The following MOG variants were observed in gnomAD, a reference collection of about 807,000 sequenced individuals.
MOG encodes the protein myelin-oligodendrocyte glycoprotein.
A neutral mutation model predicts 35.9 loss-of-function variants in MOG; 20 were observed. The ratio of observed to expected loss-of-function variants is 0.56; its 90% confidence interval spans 0.39 to 0.81. The LOEUF is 0.81. Among genes scored for constraint, MOG ranks in the 30% least tolerant of loss-of-function variants. The probability of loss-of-function intolerance (pLI) is 0.00; values close to 1 mark genes in which losing one functional copy is unlikely to be tolerated. For missense variants in MOG, 251 were observed against 301.0 expected, an observed-to-expected ratio of 0.83 and a Z score of 1.23; for synonymous variants, 92 against 114.3, an observed-to-expected ratio of 0.80 and a Z score of 1.25.
At position 29,671,352 on chromosome 6, in the gene MOG, T is replaced by C. The variant is rs1451788054; in HGVS notation, c.*167T>C. On this transcript the variant is annotated 3_prime_UTR_variant, in exon 8 of 8. Transcript: ENST00000376917. ...GAATTCCAAGTAGAATTGATTTCCC[T>C]TCTTCTGTCATCTACCTTTTCTCTT... The C allele has an allele frequency of 1.2e-6, 2 of 1,611,950 alleles. No homozygotes were observed. Among genetic ancestry groups the C allele is most frequent in the Non-Finnish European group, 1.7e-6 (2 of 1,179,682 alleles).
In MOG at chr6:29,657,183, G is replaced by A. The variant is rs766478339; in HGVS notation, c.-27G>A. On this transcript the variant is annotated 5_prime_UTR_variant, in exon 1 of 8. Coordinates refer to ENST00000376917, the MANE Select transcript of MOG (RefSeq NM_206809.4). ...CCACTTGGCCTGACCTTGCTGCGGG[G>A]GCTCTCTGTCCCCAGGAACAGTAGA... The A allele has an allele frequency of 1.2e-5, 18 of 1,553,584 alleles. No homozygotes were observed. Among genetic ancestry groups the A allele is most frequent in the African/African-American group, 4.1e-5 (3 of 73,432 alleles).
chr6:29,667,997 C>A lies in MOG; in HGVS notation c.592+73C>A, dbSNP rs142306864. 3.3e-5 allele frequency: 48 copies of A among 1,452,688 alleles called. No homozygotes were observed. In the Middle Eastern group the frequency reaches 5.2e-4, roughly 16 times the overall value. 90.0% of individuals were successfully genotyped at this position (1,452,688 alleles called of 1,614,324 possible). On this transcript the variant is annotated intron_variant, in intron 5 of 7. Transcript: ENST00000376917. Reference sequence around the variant, plus strand: ...CTCTAGTTCCAGTCACCTGGGGGAACAAGGACCCCTGGCTCCTGGTTGAGT... The same window carrying A: ...CTCTAGTTCCAGTCACCTGGGGGAAAAAGGACCCCTGGCTCCTGGTTGAGT...
chr6:29,667,725 G>A, intron 4 of MOG, 62 bp downstream of exon 4: 1 of 1,599,838 alleles, frequency 6.3e-7, no homozygotes, highest in Non-Finnish European at 8.6e-7. Flanking sequence ...TAACGGAAAT[G>A]GTCCCGTTCT....
At chr6:29,661,738 C>T in intron 2 of MOG, 1 of 940,866 alleles carries the variant, frequency 1.1e-6, no homozygotes, top group Non-Finnish European at 1.3e-6. Context: ...ATCGCTTGAA[C>T]CCCGGAGGCG....
intron 2 of MOG, chr6:29,661,702 C>A: frequency 1.2e-6 from 1 of 859,984 alleles, no homozygotes; most frequent in Non-Finnish European, 1.4e-6. Flanking sequence ...TTCCTGTAAT[C>A]CCAGCTGGGA....
rs1178483231 is a variant in MOG, at chr6:29,670,418, G to T, written c.709+21G>T. The T allele has an allele frequency of 1.9e-6, 3 of 1,609,164 alleles. No individual in the cohort carries two copies. In the African/African-American group the frequency reaches 4.0e-5, roughly 22 times the overall value. ...AGCAGGTGCAGTGGCTGGGCAGCAG[G>T]CAAGACCACCAAATAGTGGGGGACC... is the stretch of plus-strand genomic sequence containing the variant. On this transcript the variant is annotated intron_variant, in intron 6 of 7. Coordinates refer to ENST00000376917, the MANE Select transcript of MOG (RefSeq NM_206809.4). The surrounding 1 kb of genome is among the most constrained non-coding windows in gnomAD (Gnocchi z 4.2).
At chr6:29,661,406 T>C (rs907813125) in intron 2 of MOG, 2 of 985,302 alleles carry the variant, frequency 2.0e-6, no homozygotes, top group African/African-American at 3.5e-5. Flanking sequence ...GAAATTCTAC[T>C]TGCCGAAAAG....
intron 2 of MOG, among the ~76,000 whole-genome samples, chr6:29,665,588 A>AAGGCTGTGGT (rs1770033782): frequency 6.6e-6 from 1 of 152,050 alleles, no homozygotes; most frequent in African/African-American, 2.4e-5. Context: ...GTCCTAGTTC[A>AAGGCTGTGGT]GGTTCATGTT....
In MOG at chr6:29,670,930, TG is replaced by T; in HGVS notation, c.730+211del. 1.2e-6 allele frequency: 2 copies of T among 1,611,188 alleles called. No homozygotes were observed. Among genetic ancestry groups the T allele is most frequent in the Non-Finnish European group, 1.7e-6 (2 of 1,179,180 alleles). On this transcript the variant is annotated intron_variant, in intron 7 of 7. Coordinates refer to ENST00000376917, the MANE Select transcript of MOG (RefSeq NM_206809.4). The surrounding 1 kb of genome is among the most constrained non-coding windows in gnomAD (Gnocchi z 4.2). Reference sequence around the variant, plus strand: ...ACACATTTACAGGTGGCAGAGAAGCTGGAGGCACTCCTATCTGCCACCTGAT... The same window carrying T: ...ACACATTTACAGGTGGCAGAGAAGCTGAGGCACTCCTATCTGCCACCTGAT...
chr6:29,666,078 T>C (rs929204922), intron 2 of MOG, 74 bp from the exon 3 acceptor site: 3 of 917,056 alleles, frequency 3.3e-6, no homozygotes, highest in African/African-American at 3.2e-5. Context: ...ACCTGATTTA[T>C]TGGGCCCCAG....
rs1767957533 is a variant in MOG, at chr6:29,659,374, A to C, written c.144A>C (p.Glu48Asp). 3 of 1,612,918 alleles carry C rather than the reference A, an allele frequency of 1.9e-6. No individual in the cohort carries two copies. The highest frequency in any genetic ancestry group is 2.5e-6 in the Non-Finnish European group (3 of 1,179,964). The change falls in exon 2 of 8, where the codon GAA becomes GAC. Residue 48 changes from glutamate (E) to aspartate (D), a missense_variant. Coordinates refer to ENST00000376917, the MANE Select transcript of MOG (RefSeq NM_206809.4). ...RHPIRALVGD[E>D]VELPCRISPG... ...CTATCCGGGCTCTGGTCGGGGATGA[A>C]GTGGAATTGCCATGTCGCATATCTC...
At chr6:29,669,435 C>T (rs1162226073) in intron 5 of MOG, among the ~76,000 whole-genome samples, 4 of 151,162 alleles carry the variant, frequency 2.6e-5, no homozygotes, top group African/African-American at 9.7e-5. Flanking sequence ...GAACTACAGG[C>T]GCATGCCACC....
At position 29,671,781 on chromosome 6, in the gene MOG, A is replaced by G. The variant is rs1339825342; in HGVS notation, c.*596A>G. On this transcript the variant is annotated 3_prime_UTR_variant, in exon 8 of 8. Transcript: ENST00000376917. ...GAGCTCCTCCTTGTCTTGGCAGCCT[A>G]CTAGGGACCTGGGGAAGCAAAAACG... 2 of 400,188 alleles carry G rather than the reference A, an allele frequency of 5.0e-6. No individual in the cohort carries two copies. Among genetic ancestry groups the G allele is most frequent in the South Asian group, 5.3e-5 (1 of 18,910 alleles). 24.8% of individuals were successfully genotyped at this position (400,188 alleles called of 1,614,324 possible). A position where few individuals can be genotyped will look rare whatever the true frequency, so the allele number is the denominator to read the frequency against.
In MOG at chr6:29,670,237, G is replaced by A. The variant is rs1771157608; in HGVS notation, c.593-44G>A. 2 of 1,614,208 alleles carry A rather than the reference G, an allele frequency of 1.2e-6. No individual in the cohort carries two copies. The highest frequency in any genetic ancestry group is 1.7e-5 in the Admixed American group (1 of 60,022). ...AAAAAGACAGGTGGGTGGGGCATGA[G>A]GGGGAACACATGTTAACCCTGTTTG... On this transcript the variant is annotated intron_variant, in intron 5 of 7. Coordinates refer to ENST00000376917, the MANE Select transcript of MOG (RefSeq NM_206809.4). This position sits in a 1 kb window ranked among gnomAD's most constrained non-coding sequence, Gnocchi z 4.2.
intron 2 of MOG, chr6:29,663,895 A>G: frequency 1.0e-6 from 1 of 957,164 alleles, no homozygotes; most frequent in African/African-American, 1.8e-5. Context: ...ATTATACCTA[A>G]GCAACCCTCC....
In MOG at chr6:29,670,246, C is replaced by T. The variant is rs373960419; in HGVS notation, c.593-35C>T. On this transcript the variant is annotated intron_variant, in intron 5 of 7. Transcript: ENST00000376917. The surrounding 1 kb of genome is among the most constrained non-coding windows in gnomAD (Gnocchi z 4.2). ...GGTGGGTGGGGCATGAGGGGGAACA[C>T]ATGTTAACCCTGTTTGTTCTGGTGA... 9.3e-6 allele frequency: 15 copies of T among 1,614,076 alleles called. No individual in the cohort carries two copies. In the African/African-American group the frequency reaches 1.7e-4, roughly 19 times the overall value.
At position 29,670,164 on chromosome 6, in the gene MOG, T is replaced by C. The variant is rs1405492697; in HGVS notation, c.593-117T>C. 6.4e-7 allele frequency: 1 copy of C among 1,567,810 alleles called. No individual in the cohort carries two copies. The highest frequency in any genetic ancestry group is 8.8e-7 in the Non-Finnish European group (1 of 1,137,816). ...TCCAAGTTCATGGACTTTCTGAATT[T>C]TGTCCCCAGAGTCCTTTGGTGTTCT... On this transcript the variant is annotated intron_variant, in intron 5 of 7. Transcript: ENST00000376917. This position sits in a 1 kb window ranked among gnomAD's most constrained non-coding sequence, Gnocchi z 4.2.
rs1457154306 is a variant in MOG, at chr6:29,669,962, G to A, written c.593-319G>A. On this transcript the variant is annotated intron_variant, in intron 5 of 7. Transcript: ENST00000376917. ...ATTTTTACATTTTTAGTAGAGATGG[G>A]GTTTCACCATGTTGGCCTGGCTGGT... is the stretch of plus-strand genomic sequence containing the variant. Among the ~76,000 whole-genome samples the A allele has an allele frequency of 2.0e-5, 3 of 152,056 alleles. No individual in the cohort carries two copies. The South Asian group carries it at 6.2e-4, about 32-fold the overall frequency.
intron 2 of MOG, among the ~76,000 whole-genome samples, chr6:29,660,208 A>AAAAAAC (rs1056123707): frequency 3.9e-5 from 6 of 152,092 alleles, no homozygotes; most frequent in East Asian, 1.9e-4. Flanking sequence ...CCGTCTCTAA[A>AAAAAAC]AAAAACAAAA....
Sources: gnomAD v4.1 joint callset for allele counts (sites outside exome capture counted in the v4.1 genomes callset) on GRCh38, gnomAD v4.1.1 for gene constraint, Gnocchi (gnomAD v3.1) non-coding constraint, MANE v1.5 for transcripts, NCBI Gene and HGNC (gene_info 2026-07-23, HGNC 2026-07-21) for gene names.